Variants in SLC24A2 observed in about 807,000 individuals in gnomAD.
SLC24A2 encodes sodium/potassium/calcium exchanger 2.
A neutral mutation model predicts 62.0 loss-of-function variants in SLC24A2; 36 were observed. The observed-to-expected ratio is 0.58, with a 90% CI of 0.44 to 0.77. The LOEUF is 0.77. Ranked by LOEUF, SLC24A2 falls within the 30% of genes least tolerant of loss-of-function variation. The pLI, the probability that SLC24A2 is intolerant of heterozygous loss-of-function variation, is 0.00. For missense variants in SLC24A2, 846 were observed against 817.9 expected (o/e 1.03, Z -0.42); for synonymous variants, 358 against 294.0 (o/e 1.22, Z -2.23).
At chr9:20,253,017 G>C in the SLC24A2 span, among the ~76,000 whole-genome samples, 1 of 152,174 alleles carries the variant, frequency 6.6e-6, no homozygotes, top group Non-Finnish European at 1.5e-5. Context: ...TCCTTTCTAG[G>C]GAAGAATAGC....
At chr9:20,203,292 G>A in the SLC24A2 span, among the ~76,000 whole-genome samples, 20 of 152,084 alleles carry the variant, frequency 1.3e-4, no homozygotes, top group African/African-American at 4.3e-4. Context: ...TATACATCAT[G>A]ATCTTTTTGT....
intron 8 of SLC24A2, among the ~76,000 whole-genome samples, chr9:19,546,499 G>C (rs558419500): frequency 6.6e-6 from 1 of 152,098 alleles, no homozygotes; most frequent in Admixed American, 6.6e-5. Flanking sequence ...GGGTAAAACT[G>C]CCTACTTAAG....
At chr9:20,168,459 A>C in the SLC24A2 span, among the ~76,000 whole-genome samples, 9 of 152,016 alleles carry the variant, frequency 5.9e-5, no homozygotes, top group Non-Finnish European at 1.3e-4. Context: ...AAAATCATGT[A>C]TCTGCTAATT....
chr9:20,269,201 A>G, the SLC24A2 span, among the ~76,000 whole-genome samples: 2 of 152,096 alleles, frequency 1.3e-5, no homozygotes, highest in East Asian at 3.8e-4. Context: ...AGACACTCAA[A>G]ATCTCAAGTT....
At chr9:20,150,442 ATGCATTAAAT>A in the SLC24A2 span, among the ~76,000 whole-genome samples, 1 of 152,008 alleles carries the variant, frequency 6.6e-6, no homozygotes, top group African/African-American at 2.4e-5. Context: ...CTACTATTCA[ATGCATTAAAT>A]GCATTGAATA....
At chr9:19,518,276 T>C (rs1410909457) in intron 10 of SLC24A2, among the ~76,000 whole-genome samples, 1 of 152,162 alleles carries the variant, frequency 6.6e-6, no homozygotes, top group African/African-American at 2.4e-5. Flanking sequence ...ATAGCCATAA[T>C]ATAATTCTAA....
chr9:20,304,526 C>T, the SLC24A2 span, among the ~76,000 whole-genome samples: 10 of 152,084 alleles, frequency 6.6e-5, no homozygotes, highest in East Asian at 9.7e-4. Flanking sequence ...AAAACACATG[C>T]GTAAGTTTGG....
the SLC24A2 span, among the ~76,000 whole-genome samples, chr9:20,164,779 A>G: frequency 1.9e-3 from 285 of 151,230 alleles, 1 homozygote; most frequent in Non-Finnish European, 3.0e-3. Flanking sequence ...TGTGGCACAT[A>G]TACACCATGG....
chr9:19,998,507 C>G, the SLC24A2 span, among the ~76,000 whole-genome samples: 8 of 152,186 alleles, frequency 5.3e-5, no homozygotes, highest in African/African-American at 1.9e-4. Flanking sequence ...AGGATTAAAA[C>G]AGCCCCCAGC....
At chr9:20,160,383 G>T in the SLC24A2 span, among the ~76,000 whole-genome samples, 4 of 151,282 alleles carry the variant, frequency 2.6e-5, no homozygotes, top group South Asian at 2.1e-4. Context: ...ACCTGTCTTA[G>T]GTCAAGTGGA....
chr9:19,707,837 G>C (rs1270722485), intron 2 of SLC24A2, among the ~76,000 whole-genome samples: 1 of 151,970 alleles, frequency 6.6e-6, no homozygotes, highest in African/African-American at 2.4e-5. Flanking sequence ...CCCTTTGAAA[G>C]CTGGCACAAG....
chr9:20,089,839 A>G, the SLC24A2 span, among the ~76,000 whole-genome samples: 3 of 151,940 alleles, frequency 2.0e-5, no homozygotes, highest in African/African-American at 7.2e-5. Context: ...AGAGGAGACC[A>G]GTTTCTCCTC....
At chr9:20,020,688 T>C in the SLC24A2 span, among the ~76,000 whole-genome samples, 802 of 152,246 alleles carry the variant, frequency 5.3e-3, 8 homozygotes, top group South Asian at 0.025. Context: ...ACCTGCGTGT[T>C]CTGCACACGT....
the SLC24A2 span, among the ~76,000 whole-genome samples, chr9:20,102,542 A>C: frequency 5.9e-5 from 9 of 152,182 alleles, no homozygotes; most frequent in African/African-American, 2.2e-4. Flanking sequence ...TACCTAATGT[A>C]GATGACGGGT....
chr9:19,666,673 G>A (rs567868054), intron 2 of SLC24A2, among the ~76,000 whole-genome samples: 3 of 152,196 alleles, frequency 2.0e-5, no homozygotes, highest in African/African-American at 7.2e-5. Flanking sequence ...AGCATGTACT[G>A]GTAACAAAAT....
chr9:20,171,244 A>G, the SLC24A2 span, among the ~76,000 whole-genome samples: 1 of 152,070 alleles, frequency 6.6e-6, no homozygotes, highest in Non-Finnish European at 1.5e-5. Flanking sequence ...CAAATCCTGG[A>G]AACACATCAA....
the SLC24A2 span, among the ~76,000 whole-genome samples, chr9:19,848,202 C>G: frequency 5.9e-5 from 9 of 152,090 alleles, no homozygotes; most frequent in African/African-American, 2.2e-4. Flanking sequence ...TTTCACCAAC[C>G]AAAAATAAGC....
chr9:19,527,141 T>C (rs962797729), intron 9 of SLC24A2, among the ~76,000 whole-genome samples: 2 of 152,226 alleles, frequency 1.3e-5, no homozygotes, highest in Non-Finnish European at 2.9e-5. Flanking sequence ...ATTTCAAATT[T>C]CTATATCTTA....
the SLC24A2 span, among the ~76,000 whole-genome samples, chr9:20,005,056 GT>G: frequency 6.2e-4 from 94 of 152,256 alleles, no homozygotes; most frequent in Non-Finnish European, 1.1e-3. Flanking sequence ...CAGCGAAATA[GT>G]TATGCTATGT....
Sources: allele counts gnomAD v4.1 joint callset (sites outside exome capture counted in the v4.1 genomes callset), GRCh38; gene constraint gnomAD v4.1.1; transcripts MANE v1.5; gene names NCBI Gene and HGNC (gene_info 2026-07-23, HGNC 2026-07-21).